TNFRSF19: variants seen among roughly 807,000 people sequenced by gnomAD.
TNFRSF19 encodes the protein TNF receptor superfamily member 19.
TNFRSF19 carries 27 observed loss-of-function variants against 46.4 expected under a neutral mutation model. The observed-to-expected ratio is 0.58, with a 90% CI of 0.43 to 0.80. TNFRSF19 has a LOEUF of 0.80. Ranked by LOEUF, TNFRSF19 falls within the 30% of genes least tolerant of loss-of-function variation. The pLI is 0.00. For synonymous variants in TNFRSF19, 204 were observed against 205.0 expected (o/e 1.00, Z 0.04); for missense variants, 511 against 530.8 (o/e 0.96, Z 0.37).
At chr13:23,651,817 C>G (rs1379420357) in intron 5 of TNFRSF19, among the ~76,000 whole-genome samples, 1 of 134,684 alleles carries the variant, frequency 7.4e-6, no homozygotes, top group Non-Finnish European at 1.5e-5. Context: ...AGAATCTGAA[C>G]CAGTAATCCT....
chr13:23,574,350 A>AT (rs971951348), intron 1 of TNFRSF19, among the ~76,000 whole-genome samples: 6 of 151,766 alleles, frequency 4.0e-5, no homozygotes, highest in African/African-American at 9.7e-5. Context: ...TGTGATCTAC[A>AT]TTTTTTTTGT....
chr13:23,610,519 C>T (rs565126431), intron 3 of TNFRSF19, among the ~76,000 whole-genome samples: 163 of 140,902 alleles, frequency 1.2e-3, no homozygotes, highest in Non-Finnish European at 1.9e-3. Flanking sequence ...CAGCCCAGCC[C>T]ACCCTGCCTG....
At chr13:23,661,241 T>C (rs904140131) in intron 7 of TNFRSF19, among the ~76,000 whole-genome samples, 1 of 152,206 alleles carries the variant, frequency 6.6e-6, no homozygotes, top group Non-Finnish European at 1.5e-5. Flanking sequence ...CCCTTCTTTG[T>C]GTTCATGTGT....
chr13:23,634,720 C>T (rs1357043156), intron 5 of TNFRSF19, among the ~76,000 whole-genome samples: 1 of 152,138 alleles, frequency 6.6e-6, no homozygotes, highest in African/African-American at 2.4e-5. Flanking sequence ...AAAGTTCAGG[C>T]TCTATCACTC....
intron 1 of TNFRSF19, among the ~76,000 whole-genome samples, chr13:23,571,922 A>G (rs1877659610): frequency 6.6e-6 from 1 of 151,932 alleles, no homozygotes; most frequent in African/African-American, 2.4e-5. Context: ...AAAATATTTA[A>G]TTATTATCAC....
chr13:23,632,844 A>T (rs1882433426), intron 5 of TNFRSF19, among the ~76,000 whole-genome samples: 1 of 152,162 alleles, frequency 6.6e-6, no homozygotes, highest in South Asian at 2.1e-4. Flanking sequence ...GAGAGAGGAG[A>T]AGCTAATCGA....
chr13:23,583,341 G>A (rs977370254), intron 1 of TNFRSF19, among the ~76,000 whole-genome samples: 15 of 152,092 alleles, frequency 9.9e-5, no homozygotes, highest in African/African-American at 3.6e-4. Flanking sequence ...AACCCTCTAG[G>A]TGAAGAAAAA....
Position 23,659,756 on chromosome 13 carries a change from C to T in TNFRSF19, c.610+542C>T, listed in dbSNP as rs184120045. ...TCCTGACCTCGTGATCCGCCTGCCT[C>T]GGCCTCCCAAAGTGCTGAGATGACA... On this transcript the variant is annotated intron_variant, in intron 6 of 9. Transcript: ENST00000248484. The surrounding 1 kb of genome is among the most constrained non-coding windows in gnomAD (Gnocchi z 4.9). 7.0e-4 allele frequency among the ~76,000 whole-genome samples: 107 copies of T among 152,236 alleles called. No homozygotes were observed. The highest frequency in any genetic ancestry group is 2.5e-3 in the African/African-American group (104 of 41,528).
intron 5 of TNFRSF19, among the ~76,000 whole-genome samples, chr13:23,643,014 A>G (rs1883114963): frequency 6.6e-6 from 1 of 152,206 alleles, no homozygotes; most frequent in Admixed American, 6.5e-5. Context: ...CTTCATCAGT[A>G]GGTGTAATTA....
chr13:23,599,170 CCT>C (rs375709085), intron 3 of TNFRSF19, among the ~76,000 whole-genome samples: 14 of 152,140 alleles, frequency 9.2e-5, no homozygotes, highest in African/African-American at 3.4e-4. Context: ...TTTTTCAACC[CCT>C]GTTGATTACA....
intron 5 of TNFRSF19, among the ~76,000 whole-genome samples, chr13:23,627,740 T>C (rs1035998313): frequency 6.6e-6 from 1 of 152,238 alleles, no homozygotes; most frequent in Non-Finnish European, 1.5e-5. Context: ...GGCTCTGTCC[T>C]CTTGCTTTTT....
At chr13:23,654,204 T>G (rs1883830541) in intron 5 of TNFRSF19, among the ~76,000 whole-genome samples, 1 of 152,088 alleles carries the variant, frequency 6.6e-6, no homozygotes, top group African/African-American at 2.4e-5. Context: ...AAACATTGCA[T>G]AGTAGGAAGT....
At chr13:23,602,603 A>G (rs1198794473) in intron 3 of TNFRSF19, among the ~76,000 whole-genome samples, 1 of 152,114 alleles carries the variant, frequency 6.6e-6, no homozygotes, top group Non-Finnish European at 1.5e-5. Flanking sequence ...GCTAGACCAC[A>G]TATGGGGCCA....
chr13:23,580,141 G>A (rs1878305587), intron 1 of TNFRSF19, among the ~76,000 whole-genome samples: 1 of 152,222 alleles, frequency 6.6e-6, no homozygotes, highest in Non-Finnish European at 1.5e-5. Context: ...CATCTCATGG[G>A]ACAGAAATTT....
At chr13:23,669,488 C>A (rs1313191580) in intron 9 of TNFRSF19, 2 of 985,080 alleles carry the variant, frequency 2.0e-6, no homozygotes, top group African/African-American at 1.7e-5. Context: ...ATACTTAAAT[C>A]TACTTCATTC....
chr13:23,601,392 T>C (rs983868938), intron 3 of TNFRSF19, among the ~76,000 whole-genome samples: 1 of 152,162 alleles, frequency 6.6e-6, no homozygotes, highest in Non-Finnish European at 1.5e-5. Flanking sequence ...CTGAGAAATT[T>C]TCCTTCAAGA....
intron 5 of TNFRSF19, among the ~76,000 whole-genome samples, chr13:23,631,446 A>G (rs1289916853): frequency 6.6e-6 from 1 of 152,164 alleles, no homozygotes; most frequent in African/African-American, 2.4e-5. Context: ...AAAGTGTCAC[A>G]CAGGTATGTG....
At chr13:23,599,252 A>G (rs1184740601) in intron 3 of TNFRSF19, among the ~76,000 whole-genome samples, 1 of 152,230 alleles carries the variant, frequency 6.6e-6, no homozygotes, top group East Asian at 1.9e-4. Context: ...ACAGGTTGAC[A>G]TATCTAGGAT....
intron 1 of TNFRSF19, among the ~76,000 whole-genome samples, chr13:23,578,338 A>C (rs1227401449): frequency 6.6e-6 from 1 of 152,192 alleles, no homozygotes; most frequent in Non-Finnish European, 1.5e-5. Flanking sequence ...GATGTGTTAG[A>C]TTTGAAATAT....
Sources: gnomAD v4.1 joint callset for allele counts (sites outside exome capture counted in the v4.1 genomes callset) on GRCh38, gnomAD v4.1.1 for gene constraint, Gnocchi (gnomAD v3.1) non-coding constraint, MANE v1.5 for transcripts, NCBI Gene and HGNC (gene_info 2026-07-23, HGNC 2026-07-21) for gene names.